ASXL3: variants seen among roughly 807,000 people sequenced by gnomAD.
The protein encoded by ASXL3 is ASXL transcriptional regulator 3.
A neutral mutation model predicts 170.6 loss-of-function variants in ASXL3; 34 were observed. The observed-to-expected ratio is 0.20, with a 90% CI of 0.15 to 0.27. The LOEUF (loss-of-function observed/expected upper bound fraction) is 0.27. Among genes scored for constraint, ASXL3 ranks in the 10% least tolerant of loss-of-function variants. The pLI, the probability that ASXL3 is intolerant of heterozygous loss-of-function variation, is 1.00. For synonymous variants in ASXL3, 1,002 were observed against 989.1 expected (o/e 1.01, Z -0.24); for missense variants, 2,592 against 2,695.3 (o/e 0.96, Z 0.85).
intron 4 of ASXL3, among the ~76,000 whole-genome samples, chr18:33,648,291 A>G (rs1469614878): frequency 6.6e-6 from 1 of 152,100 alleles, no homozygotes; most frequent in African/African-American, 2.4e-5. Context: ...TGTTGATTTG[A>G]AGGAAAGTAC....
In ASXL3 at chr18:33,745,913, C is replaced by CT; in HGVS notation, c.6066dup (p.Pro2023SerfsTer25). On this transcript the variant is annotated frameshift_variant, in exon 12 of 12. Coordinates refer to ENST00000269197, the MANE Select transcript of ASXL3 (RefSeq NM_030632.3). LOFTEE classifies it high-confidence loss of function. The stretch of plus-strand genomic sequence containing the variant: ...CTAGTACATCCGCCGCCGCCACCGC[C>CT]TCCCCCTCCCCCTCCACCCTTGGCT... 16 of 1,578,954 alleles carry CT rather than the reference C, an allele frequency of 1.0e-5. No individual in the cohort carries two copies. The highest frequency in any genetic ancestry group is 6.8e-5 in the South Asian group (6 of 87,650).
chr18:33,728,928 C>T (rs2067395142), intron 8 of ASXL3, among the ~76,000 whole-genome samples: 1 of 152,084 alleles, frequency 6.6e-6, no homozygotes, highest in Admixed American at 6.6e-5. Context: ...CACAACTTTC[C>T]ACCATCATGG....
chr18:33,669,821 G>A (rs1189911099), intron 5 of ASXL3, among the ~76,000 whole-genome samples: 1 of 152,088 alleles, frequency 6.6e-6, no homozygotes, highest in African/African-American at 2.4e-5. Flanking sequence ...CTGTGGCTGT[G>A]AATTTAATGG....
intron 10 of ASXL3, among the ~76,000 whole-genome samples, chr18:33,738,184 C>G (rs2067580515): frequency 6.6e-6 from 1 of 151,644 alleles, no homozygotes; most frequent in Non-Finnish European, 1.5e-5. Context: ...TAAATATTTT[C>G]TAATACTTTG....
intron 2 of ASXL3, among the ~76,000 whole-genome samples, chr18:33,632,963 C>T (rs917701853): frequency 1.3e-5 from 2 of 152,132 alleles, no homozygotes; most frequent in East Asian, 3.9e-4. Flanking sequence ...TGTGGACCTT[C>T]CCTCTGGAAT....
intron 8 of ASXL3, among the ~76,000 whole-genome samples, chr18:33,698,934 A>G (rs1301775155): frequency 6.6e-6 from 1 of 152,162 alleles, no homozygotes; most frequent in African/African-American, 2.4e-5. Flanking sequence ...CTCATGGCCA[A>G]GGCTGTGCCC....
intron 8 of ASXL3, among the ~76,000 whole-genome samples, chr18:33,707,631 G>A (rs897895641): frequency 2.3e-4 from 35 of 151,942 alleles, no homozygotes; most frequent in Admixed American, 1.8e-3. Flanking sequence ...AATAATTACA[G>A]TTTTATGTAT....
intron 2 of ASXL3, among the ~76,000 whole-genome samples, chr18:33,610,892 A>G (rs1354325046): frequency 6.6e-6 from 1 of 152,088 alleles, no homozygotes; most frequent in African/African-American, 2.4e-5. Context: ...AGTTTCCAGC[A>G]GGTTATCTGT....
chr18:33,607,742 G>A lies in ASXL3; in HGVS notation c.137+66G>A, dbSNP rs4799350. Reference sequence around the variant, plus strand: ...TAATAATTGCCACTCGTTGCTAAGCGATAGGTGTATCTAGATTTTGATATT... The same window carrying A: ...TAATAATTGCCACTCGTTGCTAAGCAATAGGTGTATCTAGATTTTGATATT... On this transcript the variant is annotated intron_variant, in intron 2 of 11. Coordinates refer to ENST00000269197, the MANE Select transcript of ASXL3 (RefSeq NM_030632.3). The A allele has an allele frequency of 0.15, 178,102 of 1,198,630 alleles. 14,583 individuals carry two copies. Among genetic ancestry groups the A allele is most frequent in the African/African-American group, 0.31 (20,351 of 64,968 alleles). 74.2% of individuals were successfully genotyped at this position (1,198,630 alleles called of 1,614,324 possible). A position where few individuals can be genotyped will look rare whatever the true frequency, so the allele number is the denominator to read the frequency against.
intron 4 of ASXL3, among the ~76,000 whole-genome samples, chr18:33,654,482 A>T (rs1318989072): frequency 2.0e-5 from 3 of 152,084 alleles, no homozygotes; most frequent in African/African-American, 7.2e-5. Context: ...ATTCCCCTTT[A>T]TCGGAGTTTA....
intron 4 of ASXL3, among the ~76,000 whole-genome samples, chr18:33,651,260 C>T (rs2065993436): frequency 6.6e-6 from 1 of 152,122 alleles, no homozygotes; most frequent in Admixed American, 6.6e-5. Context: ...GGAAACTGAA[C>T]TGCTTTAGGT....
chr18:33,674,640 C>T (rs973260992), intron 7 of ASXL3, among the ~76,000 whole-genome samples: 5 of 149,542 alleles, frequency 3.3e-5, no homozygotes, highest in South Asian at 2.1e-4. Flanking sequence ...TTTTTTGAGA[C>T]GGAGTCTCGC....
At chr18:33,656,277 A>C (rs2066083442) in intron 4 of ASXL3, among the ~76,000 whole-genome samples, 1 of 152,060 alleles carries the variant, frequency 6.6e-6, no homozygotes, top group Admixed American at 6.6e-5. Context: ...TCATACAGAA[A>C]ACTGTTGTGA....
chr18:33,717,719 G>T (rs1457094726), intron 8 of ASXL3, among the ~76,000 whole-genome samples: 1 of 151,892 alleles, frequency 6.6e-6, no homozygotes, highest in African/African-American at 2.4e-5. Flanking sequence ...GCTGGGCGTT[G>T]GTTTATTGTT....
intron 10 of ASXL3, among the ~76,000 whole-genome samples, chr18:33,735,605 G>T (rs538880997): frequency 6.6e-6 from 1 of 152,264 alleles, no homozygotes; most frequent in East Asian, 1.9e-4. Flanking sequence ...AAGCTTTCCA[G>T]GTCATGCTGA....
intron 1 of ASXL3, among the ~76,000 whole-genome samples, chr18:33,597,802 A>C (rs370078509): frequency 0.09 from 13,693 of 151,830 alleles, 716 homozygotes; most frequent in African/African-American, 0.12. Flanking sequence ...ACAAAAAAAA[A>C]AAAACAAAAA....
intron 2 of ASXL3, among the ~76,000 whole-genome samples, chr18:33,609,626 A>C (rs1442740235): frequency 1.3e-5 from 2 of 152,030 alleles, no homozygotes; most frequent in African/African-American, 4.8e-5. Context: ...ATTAAAGAAC[A>C]CTGAAATGGG....
intron 7 of ASXL3, among the ~76,000 whole-genome samples, chr18:33,681,356 A>G (rs2066511566): frequency 6.6e-6 from 1 of 152,150 alleles, no homozygotes. Context: ...AACATACACT[A>G]GTGGTTATTT....
intron 1 of ASXL3, among the ~76,000 whole-genome samples, chr18:33,597,025 G>A (rs890267782): frequency 6.6e-6 from 1 of 152,040 alleles, no homozygotes. Context: ...ATGTTGACCA[G>A]GCTGATCTCG....
Sources: gnomAD v4.1 joint callset for allele counts (sites outside exome capture counted in the v4.1 genomes callset) on GRCh38, gnomAD v4.1.1 for gene constraint, MANE v1.5 for transcripts, NCBI Gene and HGNC (gene_info 2026-07-23, HGNC 2026-07-21) for gene names.